Variants in RYR3 observed in about 807,000 individuals in gnomAD.
The protein encoded by RYR3 is ryanodine receptor 3.
RYR3 carries 207 observed loss-of-function variants against 584.3 expected under a neutral mutation model. The ratio of observed to expected loss-of-function variants is 0.35; its 90% CI spans 0.32 to 0.40. RYR3 has a LOEUF of 0.40. RYR3 is among the 10% of genes least tolerant of loss of function. The pLI, the probability that RYR3 is intolerant of heterozygous loss-of-function variation, is 1.00. For missense variants in RYR3, 5,616 were observed against 6,089.2 expected, an observed-to-expected ratio of 0.92 and a Z score of 2.59; for synonymous variants, 2,416 against 2,248.5, an observed-to-expected ratio of 1.07 and a Z score of -2.11.
chr15:33,347,494 T>C (rs1422958778), intron 1 of RYR3, among the ~76,000 whole-genome samples: 15 of 151,760 alleles, frequency 9.9e-5, no homozygotes, highest in Middle Eastern at 3.4e-3. Context: ...TCGCCCAGGC[T>C]GGAGTGCAGT....
intron 8 of RYR3, among the ~76,000 whole-genome samples, chr15:33,546,671 A>G (rs1344399843): frequency 2.0e-5 from 3 of 152,242 alleles, no homozygotes; most frequent in African/African-American, 7.2e-5. Context: ...AAGTACCCTT[A>G]TTAGAAAGCA....
chr15:33,744,508 C>T (rs562126306), intron 52 of RYR3, among the ~76,000 whole-genome samples: 2 of 152,238 alleles, frequency 1.3e-5, no homozygotes, highest in South Asian at 2.1e-4. Flanking sequence ...ACAAAATGAA[C>T]CAGCCATTGT....
rs888486653 is a variant in RYR3 at position 33,412,565 on chromosome 15, C to G, written c.52-60854C>G. Reference sequence around the variant, plus strand: ...AAAGGAGAGGAGAGCCCCACGGTTTCTCTTCTGGGTCTAGGGTTTGTCACC... The same window carrying G: ...AAAGGAGAGGAGAGCCCCACGGTTTGTCTTCTGGGTCTAGGGTTTGTCACC... On this transcript the variant is annotated intron_variant, in intron 1 of 103. Coordinates refer to ENST00000634891, the MANE Select transcript of RYR3 (RefSeq NM_001036.6). This position sits in a 1 kb window ranked among gnomAD's most constrained non-coding sequence, Gnocchi z 4.3. Among the ~76,000 whole-genome samples, 2 of 152,154 alleles carry G rather than the reference C, an allele frequency of 1.3e-5. No homozygotes were observed. The highest frequency in any genetic ancestry group is 4.8e-5 in the African/African-American group (2 of 41,416).
chr15:33,746,593 C>T (rs924098231), intron 53 of RYR3, among the ~76,000 whole-genome samples: 1 of 151,742 alleles, frequency 6.6e-6, no homozygotes, highest in African/African-American at 2.4e-5. Context: ...GAGGTCAGGG[C>T]TTCAAGACCA....
At chr15:33,726,553 C>T (rs1449143200) in intron 46 of RYR3, 47 bp downstream of exon 46, 1 of 1,540,946 alleles carries the variant, frequency 6.5e-7, no homozygotes, top group African/African-American at 1.4e-5. Flanking sequence ...CCAGCAGCCA[C>T]TGGCTCGGGG....
chr15:33,387,912 C>T (rs920829508), intron 1 of RYR3, among the ~76,000 whole-genome samples: 3 of 151,362 alleles, frequency 2.0e-5, no homozygotes, highest in South Asian at 2.1e-4. Flanking sequence ...TAAGTCTAGG[C>T]GGACTAGAAA....
chr15:33,315,423 T>C (rs1968023238), intron 1 of RYR3, among the ~76,000 whole-genome samples: 1 of 152,138 alleles, frequency 6.6e-6, no homozygotes, highest in South Asian at 2.1e-4. Flanking sequence ...TGAGTAGCAA[T>C]GGAGGTAGTG....
chr15:33,425,059 C>G (rs73380452), intron 1 of RYR3, among the ~76,000 whole-genome samples: 4,162 of 152,250 alleles, frequency 0.027, 183 homozygotes, highest in African/African-American at 0.095. Context: ...TGAAACTTAC[C>G]TGTCCTTTCA....
intron 11 of RYR3, 23 bp from the exon 12 acceptor site, chr15:33,566,655 C>T (rs1274839474): frequency 4.3e-6 from 7 of 1,613,036 alleles, no homozygotes; most frequent in African/African-American, 2.7e-5. Context: ...ACCTAGAGCT[C>T]CCGTCCCTTG....
At chr15:33,693,126 A>G (rs963013253) in intron 38 of RYR3, among the ~76,000 whole-genome samples, 5 of 152,212 alleles carry the variant, frequency 3.3e-5, no homozygotes, top group East Asian at 1.9e-4. Flanking sequence ...AATTGTACTG[A>G]CGGGACTAGA....
intron 57 of RYR3, among the ~76,000 whole-genome samples, chr15:33,754,666 C>A (rs2071642977): frequency 6.6e-6 from 1 of 152,300 alleles, no homozygotes; most frequent in Non-Finnish European, 1.5e-5. Context: ...CCTTTCTGGA[C>A]CAGTTCTGGA....
At chr15:33,862,000 G>T (rs114058074) in intron 102 of RYR3, among the ~76,000 whole-genome samples, 1 of 151,910 alleles carries the variant, frequency 6.6e-6, no homozygotes, top group African/African-American at 2.4e-5. Flanking sequence ...CTTATTCTAC[G>T]GTAAAGCATT....
intron 18 of RYR3, among the ~76,000 whole-genome samples, chr15:33,612,174 T>A (rs1317385787): frequency 6.6e-6 from 1 of 152,184 alleles, no homozygotes; most frequent in African/African-American, 2.4e-5. Context: ...CAGAATAAGA[T>A]GATATAGGAA....
At chr15:33,400,580 ACTTT>A (rs1245265810) in intron 1 of RYR3, among the ~76,000 whole-genome samples, 3 of 151,982 alleles carry the variant, frequency 2.0e-5, no homozygotes, top group Admixed American at 1.3e-4. Flanking sequence ...CTTCGTGGAG[ACTTT>A]CTTCCTTCAT....
chr15:33,827,576 A>G (rs1208729668), intron 85 of RYR3, among the ~76,000 whole-genome samples: 1 of 152,238 alleles, frequency 6.6e-6, no homozygotes, highest in Non-Finnish European at 1.5e-5. Context: ...GAGCTATAAC[A>G]CAACCAAGAG....
intron 1 of RYR3, among the ~76,000 whole-genome samples, chr15:33,464,467 T>TAG (rs1567295169): frequency 1.3e-5 from 1 of 75,388 alleles, no homozygotes; most frequent in African/African-American, 9.0e-5. Flanking sequence ...GGTGGAGATA[T>TAG]ATATATATAT....
At chr15:33,354,092 T>G (rs1239262057) in intron 1 of RYR3, among the ~76,000 whole-genome samples, 2 of 152,190 alleles carry the variant, frequency 1.3e-5, no homozygotes, top group Admixed American at 6.5e-5. Flanking sequence ...GCAAAAGAAG[T>G]TGGAAAATGC....
At chr15:33,501,991 G>C (rs1377815665) in intron 2 of RYR3, among the ~76,000 whole-genome samples, 1 of 152,182 alleles carries the variant, frequency 6.6e-6, no homozygotes, top group East Asian at 1.9e-4. Flanking sequence ...GCAAATTCCT[G>C]TATTGCCAGA....
chr15:33,584,347 A>T (rs186312217), intron 14 of RYR3, 48 bp from the exon 15 acceptor site: 1 of 1,030,526 alleles, frequency 9.7e-7, no homozygotes, highest in African/African-American at 1.6e-5. Context: ...TCTCACGCCC[A>T]TCATTATATC....
Sources: allele counts gnomAD v4.1 joint callset (sites outside exome capture counted in the v4.1 genomes callset), GRCh38; gene constraint gnomAD v4.1.1; non-coding constraint Gnocchi (gnomAD v3.1); transcripts MANE v1.5; gene names NCBI Gene and HGNC (gene_info 2026-07-23, HGNC 2026-07-21).